The following CECR2 variants were observed in gnomAD, a reference collection of about 807,000 sequenced individuals.
CECR2 encodes CECR2 histone acetyl-lysine reader.
In CECR2, 30 loss-of-function variants were observed where a neutral mutation model predicts 154.5. That is an observed-to-expected ratio of 0.19 (90% CI 0.15 to 0.26). The LOEUF is 0.26. CECR2 is among the 10% of genes least tolerant of loss of function. CECR2 has a pLI of 1.00. For synonymous variants in CECR2, 725 were observed against 683.7 expected, an observed-to-expected ratio of 1.06 and a Z score of -0.94; for missense variants, 1,743 against 1,829.3, an observed-to-expected ratio of 0.95 and a Z score of 0.86.
At chr22:17,462,989 C>T (rs1191278469) in intron 1 of CECR2, among the ~76,000 whole-genome samples, 1 of 152,184 alleles carries the variant, frequency 6.6e-6, no homozygotes, top group Non-Finnish European at 1.5e-5. Flanking sequence ...AGACAAAGCT[C>T]CTCAAGGGGT....
At chr22:17,384,728 G>A (rs77520315) in intron 1 of CECR2, among the ~76,000 whole-genome samples, 227 of 152,342 alleles carry the variant, frequency 1.5e-3, no homozygotes, top group African/African-American at 5.2e-3. Flanking sequence ...AGAATGGTGA[G>A]TGAGCACTGG....
chr22:17,497,958 T>G (rs1184782141), intron 3 of CECR2, among the ~76,000 whole-genome samples: 1 of 152,224 alleles, frequency 6.6e-6, no homozygotes, highest in Admixed American at 6.5e-5. Flanking sequence ...TTGAAATATT[T>G]ACTGAAATCT....
chr22:17,387,709 A>G (rs1431243674), intron 1 of CECR2, among the ~76,000 whole-genome samples: 1 of 152,190 alleles, frequency 6.6e-6, no homozygotes, highest in South Asian at 2.1e-4. Context: ...TGACAGTGTT[A>G]TATAACAGAA....
chr22:17,540,382 C>T, intron 13 of CECR2, 30 bp from the exon 14 acceptor site: 2 of 1,475,416 alleles, frequency 1.4e-6, no homozygotes, highest in Non-Finnish European at 1.8e-6. Context: ...TAAACTATAC[C>T]TAGAAGTCAA....
intron 7 of CECR2, among the ~76,000 whole-genome samples, chr22:17,507,962 G>C (rs2055876650): frequency 6.6e-6 from 1 of 152,124 alleles, no homozygotes; most frequent in Non-Finnish European, 1.5e-5. Context: ...TCAAGGAAAA[G>C]ATAACTTCCA....
At chr22:17,535,537 A>G (rs1355831702) in intron 9 of CECR2, among the ~76,000 whole-genome samples, 1 of 152,150 alleles carries the variant, frequency 6.6e-6, no homozygotes, top group Non-Finnish European at 1.5e-5. Flanking sequence ...AAGGAGAATA[A>G]TGGATTGTTA....
At chr22:17,457,494 T>C (rs2054872693) in intron 1 of CECR2, among the ~76,000 whole-genome samples, 1 of 152,214 alleles carries the variant, frequency 6.6e-6, no homozygotes, top group Non-Finnish European at 1.5e-5. Flanking sequence ...AGCTATAGCC[T>C]ATTTCTTGTC....
chr22:17,467,276 C>T (rs959060197), intron 1 of CECR2, among the ~76,000 whole-genome samples: 3 of 152,152 alleles, frequency 2.0e-5, no homozygotes, highest in African/African-American at 4.8e-5. Context: ...CAGCATAATC[C>T]TCTTATGAGA....
intron 1 of CECR2, among the ~76,000 whole-genome samples, chr22:17,457,915 A>G (rs2054878828): frequency 2.0e-5 from 3 of 152,248 alleles, no homozygotes; most frequent in Admixed American, 2.0e-4. Flanking sequence ...AAGCTTATAT[A>G]TGATATTATT....
At chr22:17,452,821 G>A (rs1287322924) in intron 1 of CECR2, among the ~76,000 whole-genome samples, 1 of 152,098 alleles carries the variant, frequency 6.6e-6, no homozygotes, top group Non-Finnish European at 1.5e-5. Context: ...CGCTGAAGAA[G>A]GGTGAGATCA....
intron 9 of CECR2, among the ~76,000 whole-genome samples, chr22:17,525,572 C>T (rs1202439891): frequency 1.3e-5 from 2 of 152,162 alleles, no homozygotes; most frequent in Non-Finnish European, 2.9e-5. Context: ...TGCTACTGCA[C>T]TCCAGCCTGG....
At position 17,414,192 on chromosome 22, in the gene CECR2, T is replaced by G. The variant is rs1239889851; in HGVS notation, c.126+44283T>G. Among the ~76,000 whole-genome samples, 14 of 151,852 alleles carry G rather than the reference T, an allele frequency of 9.2e-5. No homozygotes were observed. In the South Asian group the frequency reaches 1.0e-3, roughly 11 times the overall value. On this transcript the variant is annotated intron_variant, in intron 1 of 18. Coordinates refer to ENST00000262608, the MANE Select transcript of CECR2 (RefSeq NM_001290047.2). Reference sequence around the variant, plus strand: ...TTTCACTGTGTTAGCCAGGATGGTCTCGATCGCCTGACCTCGTGATCCGCC... The same window carrying G: ...TTTCACTGTGTTAGCCAGGATGGTCGCGATCGCCTGACCTCGTGATCCGCC...
chr22:17,549,636 A>AAAGT, intron 17 of CECR2, 72 bp downstream of exon 17: 1 of 1,310,730 alleles, frequency 7.6e-7, no homozygotes, highest in Non-Finnish European at 1.0e-6. Context: ...TTTTTGAGAC[A>AAAGT]GAGTCTCACT....
intron 1 of CECR2, among the ~76,000 whole-genome samples, chr22:17,454,627 A>G (rs2054826293): frequency 6.7e-6 from 1 of 150,314 alleles, no homozygotes; most frequent in Non-Finnish European, 1.5e-5. Context: ...AAAACCCTGC[A>G]GCTGGGCAGG....
chr22:17,379,581 G>T (rs1268124045), intron 1 of CECR2, among the ~76,000 whole-genome samples: 2 of 137,814 alleles, frequency 1.5e-5, no homozygotes, highest in Non-Finnish European at 3.1e-5. Flanking sequence ...CTACGTTGAA[G>T]GTGTGTGTGT....
intron 1 of CECR2, among the ~76,000 whole-genome samples, chr22:17,462,712 A>G (rs1377287112): frequency 6.6e-6 from 1 of 152,044 alleles, no homozygotes; most frequent in African/African-American, 2.4e-5. Context: ...TCAGGAGTTC[A>G]AGACCAGCCT....
intron 1 of CECR2, among the ~76,000 whole-genome samples, chr22:17,441,845 C>T (rs2054589326): frequency 6.6e-6 from 1 of 152,186 alleles, no homozygotes; most frequent in South Asian, 2.1e-4. Context: ...ATGTATAACT[C>T]ACCTTGTAAG....
chr22:17,521,759 G>A (rs1007898132), intron 8 of CECR2, among the ~76,000 whole-genome samples: 2 of 152,150 alleles, frequency 1.3e-5, no homozygotes, highest in Admixed American at 1.3e-4. Flanking sequence ...AGTTTAATTA[G>A]ATCCCATTTG....
At chr22:17,456,194 T>TA (rs763816376) in intron 1 of CECR2, among the ~76,000 whole-genome samples, 1 of 152,212 alleles carries the variant, frequency 6.6e-6, no homozygotes, top group Non-Finnish European at 1.5e-5. Context: ...AAAAATACTA[T>TA]ATTCTAAAAT....
Sources: gnomAD v4.1 joint callset for allele counts (sites outside exome capture counted in the v4.1 genomes callset) on GRCh38, gnomAD v4.1.1 for gene constraint, MANE v1.5 for transcripts, NCBI Gene and HGNC (gene_info 2026-07-23, HGNC 2026-07-21) for gene names.